The following CTNNA3 variants were observed in gnomAD, a reference collection of about 807,000 sequenced individuals.
CTNNA3 encodes catenin alpha 3, also known as catenin alpha-3.
A neutral mutation model predicts 95.7 loss-of-function variants in CTNNA3; 76 were observed. The ratio of observed to expected loss-of-function variants is 0.79; its 90% CI spans 0.66 to 0.96. The LOEUF is 0.96. Among genes scored for constraint, CTNNA3 ranks in the 40% least tolerant of loss-of-function variants. CTNNA3 has a pLI of 0.00. For synonymous variants in CTNNA3, 431 were observed against 374.4 expected, an observed-to-expected ratio of 1.15 and a Z score of -1.74; for missense variants, 1,191 against 1,089.8, an observed-to-expected ratio of 1.09 and a Z score of -1.31.
intron 13 of CTNNA3, among the ~76,000 whole-genome samples, chr10:66,259,370 A>C (rs2090911421): frequency 6.6e-6 from 1 of 152,078 alleles, no homozygotes; most frequent in Admixed American, 6.6e-5. Flanking sequence ...GTTTCTTGAG[A>C]CTGTAATAGG....
chr10:66,525,797 A>C (rs1293755893), intron 10 of CTNNA3, among the ~76,000 whole-genome samples: 1 of 152,190 alleles, frequency 6.6e-6, no homozygotes, highest in Non-Finnish European at 1.5e-5. Context: ...TCATTAAACA[A>C]TAGCTTCCCA....
At chr10:67,510,708 T>A (rs1277987954) in intron 5 of CTNNA3, among the ~76,000 whole-genome samples, 1 of 152,192 alleles carries the variant, frequency 6.6e-6, no homozygotes, top group African/African-American at 2.4e-5. Flanking sequence ...AAATGTAAAG[T>A]AGTTTTTTCC....
At chr10:66,333,081 T>G (rs938995934) in intron 12 of CTNNA3, among the ~76,000 whole-genome samples, 3 of 152,182 alleles carry the variant, frequency 2.0e-5, no homozygotes, top group African/African-American at 7.2e-5. Context: ...ATATCCCCTT[T>G]ATCATTTTTT....
At chr10:65,949,176 T>C (rs1589162321) in intron 17 of CTNNA3, among the ~76,000 whole-genome samples, 1 of 152,206 alleles carries the variant, frequency 6.6e-6, no homozygotes, top group Non-Finnish European at 1.5e-5. Context: ...TGCGGTGTTG[T>C]TTCAGAGCAG....
rs34671813 is a variant in CTNNA3, at chr10:66,021,852, C to CT, written c.2160-33056dup. ...GGAAATTCCATATACAGGATCTTGG[C>CT]TTTTTTTTTTTTTTTTAGATAGATA... On this transcript the variant is annotated intron_variant, in intron 15 of 17. Transcript: ENST00000433211. 1.8e-3 allele frequency among the ~76,000 whole-genome samples: 140 copies of CT among 75,938 alleles called. 22 individuals carry two copies. Among genetic ancestry groups the CT allele is most frequent in the Admixed American group, 3.8e-3 (22 of 5,792 alleles). The allele number at this position is 75,938 out of a possible 152,430, so 49.8% of individuals were successfully genotyped here. A position where few individuals can be genotyped will look rare whatever the true frequency, so the allele number is the denominator to read the frequency against.
chr10:66,328,917 T>TAC (rs1355070880), intron 12 of CTNNA3, among the ~76,000 whole-genome samples: 1 of 121,056 alleles, frequency 8.3e-6, no homozygotes, highest in Non-Finnish European at 1.8e-5. Context: ...TATACATATA[T>TAC]ATATATATAT....
intron 7 of CTNNA3, among the ~76,000 whole-genome samples, chr10:66,798,029 C>G: frequency 6.6e-6 from 1 of 151,792 alleles, no homozygotes; most frequent in East Asian, 1.9e-4. Flanking sequence ...TCATTATACA[C>G]TCTATCTACT....
Position 66,461,288 on chromosome 10 carries a change from C to T in CTNNA3, c.1531+59329G>A, listed in dbSNP as rs141770551. 2.8e-4 allele frequency among the ~76,000 whole-genome samples: 42 copies of T among 151,868 alleles called. No homozygotes were observed. The East Asian group carries it at 7.0e-3, about 25-fold the overall frequency. ...ATAGTCAGACCATGCTAGATGAGCCCGAAAGGGAAGGGTGACTCCTCAGGG... is the reference window on the plus strand; with the variant it reads ...ATAGTCAGACCATGCTAGATGAGCCTGAAAGGGAAGGGTGACTCCTCAGGG... On this transcript the variant is annotated intron_variant, in intron 11 of 17. Transcript: ENST00000433211.
At chr10:66,083,064 T>C (rs1484751311) in intron 14 of CTNNA3, among the ~76,000 whole-genome samples, 2 of 152,042 alleles carry the variant, frequency 1.3e-5, no homozygotes, top group African/African-American at 4.8e-5. Flanking sequence ...GAGATCTTCT[T>C]AGTGAGGAGT....
intron 11 of CTNNA3, among the ~76,000 whole-genome samples, chr10:66,442,765 T>C (rs1269594925): frequency 2.0e-5 from 3 of 152,190 alleles, no homozygotes; most frequent in Non-Finnish European, 4.4e-5. Flanking sequence ...CATTTCCATC[T>C]GAGGTACTGG....
At chr10:67,709,891 T>C (rs1385415939) in intron 1 of CTNNA3, among the ~76,000 whole-genome samples, 2 of 152,198 alleles carry the variant, frequency 1.3e-5, no homozygotes, top group East Asian at 3.9e-4. Context: ...ACTGTGATAG[T>C]CCTAAATAAA....
chr10:66,861,129 T>C (rs1843905915), intron 7 of CTNNA3, among the ~76,000 whole-genome samples: 1 of 152,182 alleles, frequency 6.6e-6, no homozygotes, highest in South Asian at 2.1e-4. Flanking sequence ...TAGGATACTA[T>C]GATGAATACT....
intron 9 of CTNNA3, among the ~76,000 whole-genome samples, chr10:66,676,118 C>T (rs1214655626): frequency 6.6e-6 from 1 of 151,766 alleles, no homozygotes; most frequent in African/African-American, 2.4e-5. Flanking sequence ...AACACACACA[C>T]ACACACACAC....
At chr10:66,036,954 G>C (rs2079577385) in intron 15 of CTNNA3, among the ~76,000 whole-genome samples, 1 of 136,038 alleles carries the variant, frequency 7.4e-6, no homozygotes, top group South Asian at 2.4e-4. Context: ...CTCACTGCAA[G>C]CTCCGCTTCG....
intron 12 of CTNNA3, among the ~76,000 whole-genome samples, chr10:66,340,755 G>T (rs1331471896): frequency 6.6e-6 from 1 of 151,346 alleles, no homozygotes; most frequent in African/African-American, 2.4e-5. Flanking sequence ...CATCCTGAGA[G>T]ATATACGGAT....
intron 11 of CTNNA3, among the ~76,000 whole-genome samples, chr10:66,454,646 C>G (rs1366438210): frequency 1.3e-5 from 2 of 151,904 alleles, no homozygotes; most frequent in Non-Finnish European, 1.5e-5. Flanking sequence ...TTAGTTTCTA[C>G]CAAACATTTA....
chr10:66,270,290 G>A (rs1424894001), intron 13 of CTNNA3, among the ~76,000 whole-genome samples: 3 of 149,104 alleles, frequency 2.0e-5, no homozygotes, highest in African/African-American at 7.6e-5. Flanking sequence ...CTGTAGCCTC[G>A]ATCCCCCAGG....
intron 5 of CTNNA3, among the ~76,000 whole-genome samples, chr10:67,456,993 A>G (rs1847197942): frequency 6.6e-6 from 1 of 152,176 alleles, no homozygotes; most frequent in Non-Finnish European, 1.5e-5. Context: ...TGTTTTCTAA[A>G]GAAAATGGAA....
At chr10:66,438,924 T>C (rs1053042468) in intron 11 of CTNNA3, among the ~76,000 whole-genome samples, 4 of 152,158 alleles carry the variant, frequency 2.6e-5, no homozygotes, top group Non-Finnish European at 5.9e-5. Flanking sequence ...CAGTCCCTCA[T>C]GGCTTCCCTT....
Sources: allele counts gnomAD v4.1 joint callset (sites outside exome capture counted in the v4.1 genomes callset), GRCh38; gene constraint gnomAD v4.1.1; transcripts MANE v1.5; gene names NCBI Gene and HGNC (gene_info 2026-07-23, HGNC 2026-07-21).